The following KAZN variants were observed in gnomAD, a reference collection of about 807,000 sequenced individuals.
The protein encoded by KAZN is kazrin.
KAZN carries 40 observed loss-of-function variants against 87.4 expected under a neutral mutation model. The ratio of observed to expected loss-of-function variants is 0.46; its 90% CI spans 0.36 to 0.60. KAZN has a LOEUF of 0.60. KAZN is among the 20% of genes least tolerant of loss of function. KAZN has a pLI of 0.00. For missense variants in KAZN, 898 were observed against 1,073.9 expected (o/e 0.84, Z 2.29); for synonymous variants, 466 against 458.3 (o/e 1.02, Z -0.22).
intron 2 of KAZN, among the ~76,000 whole-genome samples, chr1:14,325,618 C>T (rs1159364032): frequency 6.6e-6 from 1 of 152,120 alleles, no homozygotes; most frequent in Non-Finnish European, 1.5e-5. Flanking sequence ...TACAAATCTA[C>T]ATATTTAAGA....
intron 1 of KAZN, among the ~76,000 whole-genome samples, chr1:14,869,071 T>G (rs182546813): frequency 6.6e-6 from 1 of 152,174 alleles, no homozygotes; most frequent in African/African-American, 2.4e-5. Flanking sequence ...TGCTAGCACC[T>G]TGGGATGTGT....
At chr1:15,043,633 CTTTTTTTTTTTT>C (rs71000361) in intron 3 of KAZN, among the ~76,000 whole-genome samples, 8 of 72,574 alleles carry the variant, frequency 1.1e-4, no homozygotes, top group South Asian at 5.5e-4. Context: ...CTCCCCACTT[CTTTTTTTTTTTT>C]TTTTTTTTTT....
chr1:14,433,451 G>T (rs77115136), intron 2 of KAZN, among the ~76,000 whole-genome samples: 7,018 of 152,228 alleles, frequency 0.046, 227 homozygotes, highest in African/African-American at 0.092. Flanking sequence ...CCTCCAAAAT[G>T]CACGTGTTGA....
At chr1:14,930,832 C>T (rs1166674612) in intron 1 of KAZN, among the ~76,000 whole-genome samples, 1 of 152,184 alleles carries the variant, frequency 6.6e-6, no homozygotes, top group Admixed American at 6.5e-5. Flanking sequence ...GCTTGCCAAT[C>T]AGCCAGAGCC....
At chr1:14,175,834 G>A (rs1449158444) in intron 1 of KAZN, among the ~76,000 whole-genome samples, 3 of 152,112 alleles carry the variant, frequency 2.0e-5, no homozygotes, top group Non-Finnish European at 4.4e-5. Flanking sequence ...CTGTGTATTG[G>A]GAGTTTGGGG....
chr1:14,906,371 G>A lies in KAZN; in HGVS notation c.227-54313G>A, dbSNP rs1381178232. ...ACAGGGTGACCTTTCCAAAAATCAC[G>A]TGGAGTTGCTTAAATGAATGTTAAA... On this transcript the variant is annotated intron_variant, in intron 1 of 14. Transcript: ENST00000376030. 8.6e-5 allele frequency among the ~76,000 whole-genome samples: 13 copies of A among 152,042 alleles called. No homozygotes were observed. The South Asian group carries it at 2.1e-3, about 24-fold the overall frequency.
At chr1:14,384,710 C>T (rs1315221458) in intron 2 of KAZN, among the ~76,000 whole-genome samples, 1 of 151,490 alleles carries the variant, frequency 6.6e-6, no homozygotes, top group Non-Finnish European at 1.5e-5. Context: ...CTGCTGGATT[C>T]GGTTTGCCAG....
chr1:13,898,427 C>T (rs76558388), intron 1 of KAZN, among the ~76,000 whole-genome samples: 2,161 of 152,310 alleles, frequency 0.014, 66 homozygotes, highest in East Asian at 0.12. Context: ...TGCTAAGTTG[C>T]GCGTGTGTTA....
rs569437995 is a variant in KAZN, at chr1:14,419,206, T to C, written c.250-179777T>C. 4.6e-5 allele frequency among the ~76,000 whole-genome samples: 7 copies of C among 152,336 alleles called. No homozygotes were observed. In the South Asian group the frequency reaches 1.4e-3, roughly 32 times the overall value. ...ATACATAGTCTTTGCAGTGACGCTGTGAGGACACTGTTCCTGCTGTCATTT... is the reference window on the plus strand; with the variant it reads ...ATACATAGTCTTTGCAGTGACGCTGCGAGGACACTGTTCCTGCTGTCATTT... On this transcript the variant is annotated intron_variant, in intron 2 of 16. Transcript: ENST00000636203.
In KAZN at chr1:14,659,139, G is replaced by A. The variant is rs552408306; in HGVS notation, c.226+59916G>A. On this transcript the variant is annotated intron_variant, in intron 1 of 14. Transcript: ENST00000376030. The stretch of plus-strand genomic sequence containing the variant: ...TGTGATCCCAGCTACTTGGGAGGCT[G>A]AAGCACAAGAATTGCTTGAACCCCG... 5.9e-5 allele frequency among the ~76,000 whole-genome samples: 9 copies of A among 152,248 alleles called. No individual in the cohort carries two copies. The South Asian group carries it at 1.0e-3, about 18-fold the overall frequency.
chr1:14,870,671 G>A (rs191545067), intron 1 of KAZN, among the ~76,000 whole-genome samples: 96 of 152,232 alleles, frequency 6.3e-4, no homozygotes, highest in Non-Finnish European at 1.2e-3. Flanking sequence ...GTTCACGACC[G>A]TGACTCCCTC....
intron 2 of KAZN, among the ~76,000 whole-genome samples, chr1:14,472,907 G>T (rs112199675): frequency 5.3e-5 from 8 of 152,250 alleles, no homozygotes; most frequent in African/African-American, 1.9e-4. Flanking sequence ...CTTAAGGGAG[G>T]CACATGGCCT....
At chr1:15,112,835 G>A in intron 14 of KAZN, 1 of 280,436 alleles carries the variant, frequency 3.6e-6, no homozygotes. Context: ...TGCAGATTCT[G>A]GGACCCACCT....
intron 1 of KAZN, among the ~76,000 whole-genome samples, chr1:14,883,395 G>GAAAGAAAC (rs1653671342): frequency 2.2e-5 from 3 of 136,676 alleles, no homozygotes; most frequent in Admixed American, 7.2e-5. Flanking sequence ...AAGAAAGAAA[G>GAAAGAAAC]AAAGAAAGAA....
At chr1:14,765,798 TC>T (rs1218831924) in intron 1 of KAZN, among the ~76,000 whole-genome samples, 1 of 152,144 alleles carries the variant, frequency 6.6e-6, no homozygotes, top group African/African-American at 2.4e-5. Flanking sequence ...AGAACTGTGG[TC>T]TTGGTGGAAC....
intron 1 of KAZN, among the ~76,000 whole-genome samples, chr1:14,710,909 T>C (rs933367475): frequency 2.0e-5 from 3 of 152,234 alleles, no homozygotes; most frequent in Middle Eastern, 6.8e-3. Flanking sequence ...GGGGGCTGGG[T>C]ACAGTAGCTC....
chr1:14,745,752 G>A (rs1048281825), intron 1 of KAZN, among the ~76,000 whole-genome samples: 2 of 152,114 alleles, frequency 1.3e-5, no homozygotes, highest in East Asian at 1.9e-4. Flanking sequence ...TGATCCATCC[G>A]GAGCTTCGTT....
At chr1:14,900,214 C>T (rs918583279) in intron 1 of KAZN, among the ~76,000 whole-genome samples, 6 of 152,158 alleles carry the variant, frequency 3.9e-5, no homozygotes, top group Non-Finnish European at 1.5e-5. Flanking sequence ...TGTTCTGATT[C>T]CCGCTCAGAA....
At chr1:14,093,165 A>G (rs1313750949) in intron 1 of KAZN, among the ~76,000 whole-genome samples, 1 of 152,094 alleles carries the variant, frequency 6.6e-6, no homozygotes, top group Non-Finnish European at 1.5e-5. Context: ...TCTGTGCCCC[A>G]ACACCAGCCA....
Sources: allele counts gnomAD v4.1 joint callset (sites outside exome capture counted in the v4.1 genomes callset), GRCh38; gene constraint gnomAD v4.1.1; transcripts MANE v1.5; gene names NCBI Gene and HGNC (gene_info 2026-07-23, HGNC 2026-07-21).